ROBO2: variants seen among roughly 807,000 people sequenced by gnomAD.
ROBO2 encodes the protein roundabout guidance receptor 2, also known as roundabout homolog 2.
In ROBO2, 53 loss-of-function variants were observed where a neutral mutation model predicts 160.8. That is an observed-to-expected ratio of 0.33 (90% CI 0.26 to 0.41). The LOEUF (loss-of-function observed/expected upper bound fraction) is 0.41, where lower values mean the gene tolerates loss of function less well. Among genes scored for constraint, ROBO2 ranks in the 10% least tolerant of loss-of-function variants. The pLI is 1.00. For synonymous variants in ROBO2, 664 were observed against 611.7 expected (o/e 1.09, Z -1.26); for missense variants, 1,577 against 1,722.4 (o/e 0.92, Z 1.49).
At chr3:76,422,474 A>G (rs1166795287) in intron 2 of ROBO2, among the ~76,000 whole-genome samples, 2 of 152,198 alleles carry the variant, frequency 1.3e-5, no homozygotes, top group African/African-American at 4.8e-5. Context: ...TAGGCAGTGA[A>G]TCAACTTCTC....
At position 77,183,461 on chromosome 3, in the gene ROBO2, A is replaced by G. The variant is rs79408975; in HGVS notation, c.388+85121A>G. Among the ~76,000 whole-genome samples the G allele has an allele frequency of 2.2e-3, 339 of 152,130 alleles. 2 individuals carry two copies. Among genetic ancestry groups the G allele is most frequent in the African/African-American group, 7.7e-3 (321 of 41,528 alleles). ...TCAGGGTGGGCCCTAGACTAATGCA[A>G]CGGGTGCCCTCATAAGCAGAAGAAA... On this transcript the variant is annotated intron_variant, in intron 2 of 25. Transcript: ENST00000461745.
intron 2 of ROBO2, among the ~76,000 whole-genome samples, chr3:77,022,655 T>G (rs1272299934): frequency 6.6e-6 from 1 of 152,204 alleles, no homozygotes; most frequent in African/African-American, 2.4e-5. Context: ...CAAATTTTTA[T>G]AGTTTTCCCT....
chr3:75,998,302 T>G (rs1342973207), intron 2 of ROBO2, among the ~76,000 whole-genome samples: 1 of 152,230 alleles, frequency 6.6e-6, no homozygotes, highest in Non-Finnish European at 1.5e-5. Context: ...CAATTTTTTA[T>G]TATAATAAAC....
intron 2 of ROBO2, among the ~76,000 whole-genome samples, chr3:76,203,120 C>G (rs1702616973): frequency 6.6e-6 from 1 of 152,122 alleles, no homozygotes; most frequent in South Asian, 2.1e-4. Context: ...AACTGATTGC[C>G]TAAAACAATG....
intron 2 of ROBO2, among the ~76,000 whole-genome samples, chr3:75,938,421 T>A (rs898577062): frequency 5.3e-5 from 8 of 152,200 alleles, no homozygotes; most frequent in Non-Finnish European, 1.2e-4. Flanking sequence ...GTATTTTATG[T>A]GATAAAACAT....
intron 2 of ROBO2, among the ~76,000 whole-genome samples, chr3:77,235,353 A>ATTTT (rs1363911094): frequency 5.1e-5 from 7 of 136,112 alleles, no homozygotes; most frequent in Non-Finnish European, 1.0e-4. Context: ...TGAGAGGAGA[A>ATTTT]TATTTTTTTT....
intron 2 of ROBO2, among the ~76,000 whole-genome samples, chr3:77,231,909 T>C (rs958290453): frequency 6.6e-6 from 1 of 152,206 alleles, no homozygotes; most frequent in African/African-American, 2.4e-5. Flanking sequence ...TCCTTTAATG[T>C]TTTACCCAGT....
intron 2 of ROBO2, among the ~76,000 whole-genome samples, chr3:76,012,113 T>C (rs2107616036): frequency 6.6e-6 from 1 of 152,336 alleles, no homozygotes; most frequent in Non-Finnish European, 1.5e-5. Flanking sequence ...TATCTCTATG[T>C]AGAGGTAGGA....
chr3:76,633,949 C>G (rs559614931), intron 2 of ROBO2, among the ~76,000 whole-genome samples: 2 of 152,296 alleles, frequency 1.3e-5, no homozygotes, highest in African/African-American at 4.8e-5. Context: ...ACAATTGATG[C>G]ATTTGTGTGC....
chr3:77,294,359 T>C (rs13076873), intron 2 of ROBO2, among the ~76,000 whole-genome samples: 2,535 of 19,486 alleles, frequency 0.13, 65 homozygotes, highest in Middle Eastern at 0.27. Context: ...GTAAAATTGA[T>C]GGTTAAACGG....
chr3:76,710,883 A>C (rs1293315061), intron 2 of ROBO2, among the ~76,000 whole-genome samples: 5 of 152,158 alleles, frequency 3.3e-5, no homozygotes, highest in Non-Finnish European at 5.9e-5. Context: ...AAAACCAGAC[A>C]AAAGAAAGTA....
intron 1 of ROBO2, among the ~76,000 whole-genome samples, chr3:75,918,328 A>T (rs1946894384): frequency 6.6e-6 from 1 of 152,098 alleles, no homozygotes; most frequent in East Asian, 1.9e-4. Context: ...AGGTTTGTTG[A>T]AGATCAGATG....
chr3:76,165,059 AT>A (rs59149843), intron 2 of ROBO2, among the ~76,000 whole-genome samples: 148,264 of 151,998 alleles, frequency 0.98, 72,403 homozygotes, highest in East Asian at 1. Context: ...CAGTCTACAT[AT>A]TTTTTTTTTA....
intron 2 of ROBO2, among the ~76,000 whole-genome samples, chr3:76,455,073 G>C (rs148331374): frequency 6.6e-5 from 10 of 152,182 alleles, no homozygotes; most frequent in Non-Finnish European, 1.3e-4. Context: ...TTATTGCAGT[G>C]TTTAAGAAAA....
chr3:77,262,066 CTT>C (rs1328882573), intron 2 of ROBO2, among the ~76,000 whole-genome samples: 1 of 152,170 alleles, frequency 6.6e-6, no homozygotes, highest in Non-Finnish European at 1.5e-5. Context: ...ATTTTTGCCA[CTT>C]CAAATTTGTA....
intron 1 of ROBO2, among the ~76,000 whole-genome samples, chr3:77,061,608 C>T (rs561408799): frequency 1.1e-3 from 162 of 152,202 alleles, no homozygotes; most frequent in Non-Finnish European, 1.9e-3. Context: ...GGAAACAATT[C>T]AGGAATGGCT....
chr3:76,933,098 A>G (rs952917029), intron 2 of ROBO2, among the ~76,000 whole-genome samples: 1 of 152,206 alleles, frequency 6.6e-6, no homozygotes, highest in African/African-American at 2.4e-5. Flanking sequence ...CAAATAAAAA[A>G]CTTCAAATAC....
At chr3:76,477,810 A>G (rs2079005646) in intron 2 of ROBO2, among the ~76,000 whole-genome samples, 1 of 152,098 alleles carries the variant, frequency 6.6e-6, no homozygotes, top group Non-Finnish European at 1.5e-5. Context: ...TACTAAAAAA[A>G]AATCTCCACA....
At chr3:76,599,714 A>AT (rs2086990128) in intron 2 of ROBO2, among the ~76,000 whole-genome samples, 1 of 151,872 alleles carries the variant, frequency 6.6e-6, no homozygotes, top group Admixed American at 6.6e-5. Flanking sequence ...AGCACCTGTT[A>AT]GTTTTTTACT....
Sources: allele counts gnomAD v4.1 joint callset (sites outside exome capture counted in the v4.1 genomes callset), GRCh38; gene constraint gnomAD v4.1.1; transcripts MANE v1.5; gene names NCBI Gene and HGNC (gene_info 2026-07-23, HGNC 2026-07-21).